The following TMEM221 variants were observed in gnomAD, a reference collection of about 807,000 sequenced individuals.
TMEM221 encodes the protein Putative transmembrane protein ENSP00000342162.
A neutral mutation model predicts 10.2 loss-of-function variants in TMEM221; 11 were observed. The observed-to-expected ratio is 1.08, with a 90% CI of 0.68 to 1.79. TMEM221 has a LOEUF of 1.79. Among genes scored for constraint, TMEM221 ranks in the 40% most tolerant of loss-of-function variants. The pLI, the probability that TMEM221 is intolerant of heterozygous loss-of-function variation, is 0.00. For missense variants in TMEM221, 382 were observed against 417.7 expected (o/e 0.91, Z 0.75); for synonymous variants, 172 against 199.8 (o/e 0.86, Z 1.18).
At chr19:17,445,055 G>T in intron 2 of TMEM221, 144 bp downstream of exon 2, 1 of 658,180 alleles carries the variant, frequency 1.5e-6, no homozygotes, top group Non-Finnish European at 2.6e-6. Flanking sequence ...GAGAGACTTT[G>T]CCCAAGGCAC....
At chr19:17,438,906 A>G (rs1827201441) in intron 2 of TMEM221, among the ~76,000 whole-genome samples, 1 of 146,260 alleles carries the variant, frequency 6.8e-6, no homozygotes, top group Non-Finnish European at 1.5e-5. Flanking sequence ...CACCTGCTCT[A>G]TCTCTTAAGA....
At chr19:17,443,389 G>A (rs1328709438) in intron 2 of TMEM221, among the ~76,000 whole-genome samples, 3 of 151,660 alleles carry the variant, frequency 2.0e-5, no homozygotes, top group African/African-American at 4.8e-5. Context: ...GCAGTTGCAC[G>A]ATCTTGGCTC....
rs1446756813 is a variant in TMEM221 at position 17,448,172 on chromosome 19, G to A, written c.291C>T (p.Ala97=). The part of the protein sequence containing the change: ...LLAALCGHLG[A]ELARGPGPRR... ...TGGGGCCAGGCCCCCGCGCCAGCTC[G>A]GCGCCCAGGTGGCCACAGAGCGCGG... is the stretch of plus-strand genomic sequence containing the variant. The change falls in exon 1 of 3, where the codon GCC becomes GCT. Residue 97 remains alanine (A), a synonymous_variant. Coordinates refer to ENST00000341130, the MANE Select transcript of TMEM221 (RefSeq NM_001190844.2). This position sits in a 1 kb window ranked among gnomAD's most constrained non-coding sequence, Gnocchi z 4.7. 1.4e-6 allele frequency: 2 copies of A among 1,431,316 alleles called. No individual in the cohort carries two copies. The highest frequency in any genetic ancestry group is 1.4e-5 in the South Asian group (1 of 72,466). 88.7% of individuals were successfully genotyped at this position (1,431,316 alleles called of 1,614,324 possible).
Position 17,436,712 on chromosome 19 carries a change from C to T in TMEM221, c.622G>A (p.Ala208Thr), listed in dbSNP as rs1353525181. 2.0e-6 allele frequency: 3 copies of T among 1,532,218 alleles called. No homozygotes were observed. Among genetic ancestry groups the T allele is most frequent in the Admixed American group, 3.9e-5 (2 of 50,758 alleles). The allele number at this position is 1,532,218 out of a possible 1,614,324, so 94.9% of individuals were successfully genotyped here. The change falls in exon 3 of 3, where the codon GCT becomes ACT. Residue 208 changes from alanine to threonine, a missense_variant. Ala to Thr is a moderately conservative substitution (Grantham distance 58). Transcript: ENST00000341130. ...PAEVSKASPR[A>T]QPQQGIHRRT... is the part of the protein sequence containing the mutation. ...CGATGGATACCCTGCTGAGGCTGAG[C>T]TCTGGGGCTGGCCTTGGAGACTTCG...
At chr19:17,436,960 CAACA>C (rs1405634085) in intron 2 of TMEM221, 33 bp from the exon 3 acceptor site, 1 of 1,369,646 alleles carries the variant, frequency 7.3e-7, no homozygotes, top group Admixed American at 3.3e-5. Flanking sequence ...TTTATTCAGT[CAACA>C]AACATTTGCC....
At position 17,448,322 on chromosome 19, in the gene TMEM221, C is replaced by G; in HGVS notation, c.141G>C (p.Glu47Asp). The change falls in exon 1 of 3, where the codon GAG becomes GAC. Residue 47 changes from glutamate to aspartate, a missense_variant. Coordinates refer to ENST00000341130, the MANE Select transcript of TMEM221 (RefSeq NM_001190844.2). This position sits in a 1 kb window ranked among gnomAD's most constrained non-coding sequence, Gnocchi z 4.7. Reference protein sequence around the residue: ...GRAELRGLRAEGLGQELGAGP... With the variant: ...GRAELRGLRADGLGQELGAGP... The stretch of plus-strand genomic sequence containing the variant: ...CGGCGCCCAGCTCCTGGCCCAGCCC[C>G]TCGGCGCGCAGCCCCCGCAGCTCGG... 7.8e-7 allele frequency: 1 copy of G among 1,277,604 alleles called. No individual in the cohort carries two copies. Among genetic ancestry groups the G allele is most frequent in the South Asian group, 2.3e-5 (1 of 43,834 alleles). The allele number at this position is 1,277,604 out of a possible 1,614,324, so 79.1% of individuals were successfully genotyped here.
rs2074907397 is a variant in TMEM221, at chr19:17,436,207, G to T, written c.*251C>A. ...TGGCCAGTGGGATATAAAAAGAAGG[G>T]TTTCGAGGCTTCCTGGGAAGACTTC... On this transcript the variant is annotated 3_prime_UTR_variant, in exon 3 of 3. Coordinates refer to ENST00000341130, the MANE Select transcript of TMEM221 (RefSeq NM_001190844.2). 4 of 476,862 alleles carry T rather than the reference G, an allele frequency of 8.4e-6. No individual in the cohort carries two copies. Among genetic ancestry groups the T allele is most frequent in the Non-Finnish European group, 1.5e-5 (4 of 269,970 alleles). 29.5% of individuals were successfully genotyped at this position (476,862 alleles called of 1,614,324 possible).
intron 1 of TMEM221, 132 bp from the exon 2 acceptor site, chr19:17,445,416 G>A: frequency 1.6e-6 from 1 of 622,664 alleles, no homozygotes; most frequent in Non-Finnish European, 2.8e-6. Flanking sequence ...AAATCTATGT[G>A]AGTACCTAAC....
Position 17,448,177 on chromosome 19 carries a change from C to G in TMEM221, c.286G>C (p.Gly96Arg), listed in dbSNP as rs1246314121. ...LLLAALCGHLGAELARGPGPR... is the reference protein window; with the variant it reads ...LLLAALCGHLRAELARGPGPR... ...CCAGGCCCCCGCGCCAGCTCGGCGC[C>G]CAGGTGGCCACAGAGCGCGGCGAGC... The change falls in exon 1 of 3, where the codon GGC (glycine) becomes CGC (arginine). Residue 96 changes from glycine (G) to arginine (R), a missense_variant. Physicochemically the swap from Gly to Arg is moderately radical, Grantham distance 125. Coordinates refer to ENST00000341130, the MANE Select transcript of TMEM221 (RefSeq NM_001190844.2). The surrounding 1 kb of genome is among the most constrained non-coding windows in gnomAD (Gnocchi z 4.7). 3 of 1,434,680 alleles carry G rather than the reference C, an allele frequency of 2.1e-6. No homozygotes were observed. Among genetic ancestry groups the G allele is most frequent in the African/African-American group, 3.0e-5 (2 of 67,266 alleles). The allele number at this position is 1,434,680 out of a possible 1,614,324, so 88.9% of individuals were successfully genotyped here. A position where few individuals can be genotyped will look rare whatever the true frequency, so the allele number is the denominator to read the frequency against.
In TMEM221 at chr19:17,436,312, T is replaced by C; in HGVS notation, c.*146A>G. The C allele has an allele frequency of 1.3e-6, 1 of 776,100 alleles. No homozygotes were observed. Among genetic ancestry groups the C allele is most frequent in the Non-Finnish European group, 2.0e-6 (1 of 512,564 alleles). The allele number at this position is 776,100 out of a possible 1,614,324, so 48.1% of individuals were successfully genotyped here. A position where few individuals can be genotyped will look rare whatever the true frequency, so the allele number is the denominator to read the frequency against. On this transcript the variant is annotated 3_prime_UTR_variant, in exon 3 of 3. Coordinates refer to ENST00000341130, the MANE Select transcript of TMEM221 (RefSeq NM_001190844.2). ...AAGGCTGGAGCTCTGGCAATTATTT[T>C]GTGCCACGAGGCAACCTTGAGGACA...
At chr19:17,437,287 C>T (rs1421182928) in intron 2 of TMEM221, among the ~76,000 whole-genome samples, 3 of 152,164 alleles carry the variant, frequency 2.0e-5, no homozygotes, top group South Asian at 2.1e-4. Context: ...CCAGGGCTTC[C>T]CTGAGGAGGA....
At chr19:17,446,967 C>T (rs2144506393) in intron 1 of TMEM221, among the ~76,000 whole-genome samples, 1 of 152,106 alleles carries the variant, frequency 6.6e-6, no homozygotes, top group East Asian at 1.9e-4. Flanking sequence ...AATTCCTGGC[C>T]TCCCAGCACT....
intron 2 of TMEM221, among the ~76,000 whole-genome samples, chr19:17,442,499 G>A (rs1159544023): frequency 3.3e-5 from 5 of 150,848 alleles, no homozygotes; most frequent in African/African-American, 1.2e-4. Flanking sequence ...GAGTGCAGTG[G>A]CATGATCTTG....
intron 2 of TMEM221, among the ~76,000 whole-genome samples, chr19:17,444,335 G>A (rs192479371): frequency 1.7e-3 from 258 of 151,424 alleles, no homozygotes; most frequent in African/African-American, 5.9e-3. Context: ...CACCAGCCTC[G>A]GCCCCTCAAA....
In TMEM221 at chr19:17,444,071, CTTTTTTTTTT is replaced by C. The variant is rs67270566; in HGVS notation, c.406+1118_406+1127del. On this transcript the variant is annotated intron_variant, in intron 2 of 2. Transcript: ENST00000341130. ...CTCATTCCAACCTGTAAAATGCTAT[CTTTTTTTTTT>C]TTTTTTTTTTTTTTTTTGAGACGGG... Among the ~76,000 whole-genome samples, 4 of 56,284 alleles carry C rather than the reference CTTTTTTTTTT, an allele frequency of 7.1e-5. No individual in the cohort carries two copies. The South Asian group carries it at 1.9e-3, about 27-fold the overall frequency. 36.9% of individuals were successfully genotyped at this position (56,284 alleles called of 152,430 possible). A position where few individuals can be genotyped will look rare whatever the true frequency, so the allele number is the denominator to read the frequency against.
rs1397262000 is a variant in TMEM221 at position 17,436,703 on chromosome 19, G to T, written c.631C>A (p.Gln211Lys). Residue 211 changes from glutamine to lysine, a missense_variant, in exon 3 of 3, where the codon CAG becomes AAG. Physicochemically the swap from Gln to Lys is moderately conservative, Grantham distance 53. Transcript: ENST00000341130. ...GGGGTCCGACGATGGATACCCTGCT[G>T]AGGCTGAGCTCTGGGGCTGGCCTTG... Reference protein sequence around the residue: ...VSKASPRAQPQQGIHRRTPYS... With the variant: ...VSKASPRAQPKQGIHRRTPYS... 6.5e-7 allele frequency: 1 copy of T among 1,533,686 alleles called. No individual in the cohort carries two copies. Among genetic ancestry groups the T allele is most frequent in the Non-Finnish European group, 8.7e-7 (1 of 1,145,220 alleles).
chr19:17,448,527 G>T lies in TMEM221; in HGVS notation c.-65C>A. 2 of 1,307,110 alleles carry T rather than the reference G, an allele frequency of 1.5e-6. No homozygotes were observed. Among genetic ancestry groups the T allele is most frequent in the Non-Finnish European group, 2.0e-6 (2 of 1,008,784 alleles). 81.0% of individuals were successfully genotyped at this position (1,307,110 alleles called of 1,614,324 possible). On this transcript the variant is annotated 5_prime_UTR_variant, in exon 1 of 3. Coordinates refer to ENST00000341130, the MANE Select transcript of TMEM221 (RefSeq NM_001190844.2). This position sits in a 1 kb window ranked among gnomAD's most constrained non-coding sequence, Gnocchi z 4.7. ...TGAAGTGGTTTTAGAGGGCAGGGGA[G>T]TTGGGGGGAATCCGAGGGTCCTCAG... is the stretch of plus-strand genomic sequence containing the variant.
At chr19:17,440,929 C>A (rs1014937855) in intron 2 of TMEM221, among the ~76,000 whole-genome samples, 1 of 152,032 alleles carries the variant, frequency 6.6e-6, no homozygotes, top group African/African-American at 2.4e-5. Flanking sequence ...CTTGAGGGAC[C>A]GGGCGTGGTG....
Position 17,436,680 on chromosome 19 carries a change from G to A in TMEM221, c.654C>T (p.Thr218=), listed in dbSNP as rs1486569366. The A allele has an allele frequency of 2.0e-6, 3 of 1,535,134 alleles. No individual in the cohort carries two copies. Among genetic ancestry groups the A allele is most frequent in the African/African-American group, 2.7e-5 (2 of 73,150 alleles). The part of the protein sequence containing the change: ...AQPQQGIHRR[T]PYSTCPEPGD... The stretch of plus-strand genomic sequence containing the variant: ...CAGGCTCTGGACAGGTTGAATAGGG[G>A]GTCCGACGATGGATACCCTGCTGAG... Residue 218 remains threonine, a synonymous_variant, in exon 3 of 3, where the codon ACC becomes ACT. Coordinates refer to ENST00000341130, the MANE Select transcript of TMEM221 (RefSeq NM_001190844.2).
Sources: allele counts gnomAD v4.1 joint callset (sites outside exome capture counted in the v4.1 genomes callset), GRCh38; gene constraint gnomAD v4.1.1; non-coding constraint Gnocchi (gnomAD v3.1); transcripts MANE v1.5; gene names NCBI Gene and HGNC (gene_info 2026-07-23, HGNC 2026-07-21).